ZNF804B: variants seen among roughly 807,000 people sequenced by gnomAD.
ZNF804B encodes zinc finger 804B.
ZNF804B carries 80 observed loss-of-function variants against 101.4 expected under a neutral mutation model. The ratio of observed to expected loss-of-function variants is 0.79; its 90% CI spans 0.66 to 0.95. The LOEUF is 0.95. ZNF804B is among the 40% of genes least tolerant of loss of function. The pLI, the probability that ZNF804B is intolerant of heterozygous loss-of-function variation, is 0.00. For missense variants in ZNF804B, 1,673 were observed against 1,561.9 expected (o/e 1.07, Z -1.20); for synonymous variants, 622 against 558.8 (o/e 1.11, Z -1.59).
At chr7:89,272,480 A>C (rs540630180) in intron 2 of ZNF804B, among the ~76,000 whole-genome samples, 164 of 152,228 alleles carry the variant, frequency 1.1e-3, no homozygotes, top group African/African-American at 3.6e-3. Context: ...AGGAGCCAAA[A>C]ATACTATGGG....
chr7:88,996,615 A>T (rs1329212083), intron 1 of ZNF804B, among the ~76,000 whole-genome samples: 1 of 152,156 alleles, frequency 6.6e-6, no homozygotes, highest in Non-Finnish European at 1.5e-5. Flanking sequence ...TACAGTTTAA[A>T]CCAAACAATT....
rs767741505 is a variant in ZNF804B at position 89,333,679 on chromosome 7, T to A, written c.697T>A (p.Ser233Thr). The A allele has an allele frequency of 1.9e-6, 3 of 1,613,476 alleles. No homozygotes were observed. In the East Asian group the frequency reaches 6.7e-5, roughly 36 times the overall value. ...CAAAAAAGTGCACCTAAAATTAGAA[T>A]CTTCAGCATCAGTTTTCAGTGAGAA... ...FSKKVHLKLE[S>T]SASVFSENTE... Residue 233 changes from serine to threonine, a missense_variant, in exon 4 of 4, where the codon TCT becomes ACT. By Grantham distance (58) the Ser-to-Thr change is moderately conservative. Transcript: ENST00000333190.
rs550294764 is a variant in ZNF804B, at chr7:89,338,160, A to T, written c.*1128A>T. On this transcript the variant is annotated 3_prime_UTR_variant, in exon 4 of 4. Coordinates refer to ENST00000333190, the MANE Select transcript of ZNF804B (RefSeq NM_181646.5). ...GCATAATCCTACAGTTAGGTTTATTATTTTATGTTCTTAAGCATGAGTTTC... is the reference window on the plus strand; with the variant it reads ...GCATAATCCTACAGTTAGGTTTATTTTTTTATGTTCTTAAGCATGAGTTTC... Among the ~76,000 whole-genome samples the T allele has an allele frequency of 6.6e-6, 1 of 152,166 alleles. No individual in the cohort carries two copies. Among genetic ancestry groups the T allele is most frequent in the Non-Finnish European group, 1.5e-5 (1 of 67,932 alleles).
chr7:88,834,834 AAAAAAT>A (rs1791186316), intron 1 of ZNF804B, among the ~76,000 whole-genome samples: 1 of 151,712 alleles, frequency 6.6e-6, no homozygotes, highest in Admixed American at 6.6e-5. Context: ...AGCTCTTGGG[AAAAAAT>A]AAAAATAATA....
At chr7:88,980,628 C>A (rs753567069) in intron 1 of ZNF804B, among the ~76,000 whole-genome samples, 3 of 152,066 alleles carry the variant, frequency 2.0e-5, no homozygotes, top group Admixed American at 6.6e-5. Context: ...GATTTCCAGG[C>A]AGAGACTTTT....
intron 1 of ZNF804B, among the ~76,000 whole-genome samples, chr7:89,024,269 C>T (rs565172577): frequency 6.6e-6 from 1 of 152,226 alleles, no homozygotes; most frequent in Non-Finnish European, 1.5e-5. Flanking sequence ...ATTAATTTTT[C>T]AGGATAATAC....
At chr7:89,300,149 T>A (rs1346496558) in intron 2 of ZNF804B, among the ~76,000 whole-genome samples, 1 of 151,742 alleles carries the variant, frequency 6.6e-6, no homozygotes, top group Admixed American at 6.6e-5. Context: ...GTCACTCTGC[T>A]GTATGAGACA....
intron 3 of ZNF804B, among the ~76,000 whole-genome samples, chr7:89,331,371 A>T (rs1790979425): frequency 6.6e-6 from 1 of 151,764 alleles, no homozygotes; most frequent in African/African-American, 2.4e-5. Context: ...CTTGAAAGAA[A>T]CATTCAGTAA....
intron 2 of ZNF804B, among the ~76,000 whole-genome samples, chr7:89,315,520 G>A (rs761913268): frequency 3.3e-5 from 5 of 152,112 alleles, no homozygotes; most frequent in African/African-American, 7.2e-5. Context: ...CATCCAAGAA[G>A]AGAAGATAAT....
At chr7:88,854,422 T>TCTTTCTTCCTTTCTTTCTTTCTTC (rs1554340161) in intron 1 of ZNF804B, among the ~76,000 whole-genome samples, 40 of 100,802 alleles carry the variant, frequency 4.0e-4, no homozygotes, top group African/African-American at 1.5e-3. Flanking sequence ...TTCCTTTCTT[T>TCTTTCTTCCTTTCTTTCTTTCTTC]CTTTCTTTCT....
rs534857227 is a variant in ZNF804B, at chr7:89,075,437, A to C, written c.109-142718A>C. On this transcript the variant is annotated intron_variant, in intron 1 of 3. Coordinates refer to ENST00000333190, the MANE Select transcript of ZNF804B (RefSeq NM_181646.5). ...CTCCAGCTGTGGCTTCAGAGGGTGC[A>C]AGCCTCAAGCCTTGGCAGCTTCCAT... Among the ~76,000 whole-genome samples, 3 of 152,294 alleles carry C rather than the reference A, an allele frequency of 2.0e-5. No homozygotes were observed. In the South Asian group the frequency reaches 6.2e-4, roughly 32 times the overall value.
At chr7:89,003,101 T>C (rs919715698) in intron 1 of ZNF804B, among the ~76,000 whole-genome samples, 1 of 151,822 alleles carries the variant, frequency 6.6e-6, no homozygotes, top group Non-Finnish European at 1.5e-5. Flanking sequence ...TACCACTAGA[T>C]CCCTTTCAGT....
chr7:89,127,928 G>T (rs990221341), intron 1 of ZNF804B, among the ~76,000 whole-genome samples: 1 of 151,392 alleles, frequency 6.6e-6, no homozygotes, highest in South Asian at 2.1e-4. Context: ...AAAACTTCAG[G>T]ATTTTTTTCT....
chr7:89,225,738 A>C (rs1240283400), intron 2 of ZNF804B, among the ~76,000 whole-genome samples: 3 of 152,136 alleles, frequency 2.0e-5, no homozygotes, highest in African/African-American at 7.2e-5. Context: ...AATTTAAGAA[A>C]ATATTTGATC....
chr7:89,118,279 G>A (rs1249139274), intron 1 of ZNF804B, among the ~76,000 whole-genome samples: 1 of 152,096 alleles, frequency 6.6e-6, no homozygotes, highest in Non-Finnish European at 1.5e-5. Context: ...TACTAAGTCG[G>A]AATTAGGTAA....
At chr7:89,017,990 G>C (rs1282181046) in intron 1 of ZNF804B, among the ~76,000 whole-genome samples, 1 of 152,032 alleles carries the variant, frequency 6.6e-6, no homozygotes, top group Admixed American at 6.6e-5. Flanking sequence ...TTCCTTTTTA[G>C]TTGGGATGCC....
chr7:89,207,164 T>G (rs1035349352), intron 1 of ZNF804B, among the ~76,000 whole-genome samples: 2 of 152,220 alleles, frequency 1.3e-5, no homozygotes, highest in African/African-American at 4.8e-5. Context: ...CCTCCACATT[T>G]TTGGGTATCT....
intron 1 of ZNF804B, among the ~76,000 whole-genome samples, chr7:89,069,155 G>A (rs540098355): frequency 7.9e-5 from 12 of 152,162 alleles, no homozygotes; most frequent in Non-Finnish European, 1.8e-4. Context: ...ATGTGACTGT[G>A]CTTTATGAAA....
intron 2 of ZNF804B, among the ~76,000 whole-genome samples, chr7:89,244,686 C>G (rs1365073724): frequency 6.6e-6 from 1 of 152,068 alleles, no homozygotes; most frequent in African/African-American, 2.4e-5. Flanking sequence ...AATGCCCAAG[C>G]TATAGAGTCT....
Sources: gnomAD v4.1 joint callset for allele counts (sites outside exome capture counted in the v4.1 genomes callset) on GRCh38, gnomAD v4.1.1 for gene constraint, MANE v1.5 for transcripts, NCBI Gene and HGNC (gene_info 2026-07-23, HGNC 2026-07-21) for gene names.